LRRIQ1: variants seen among roughly 807,000 people sequenced by gnomAD.
LRRIQ1 encodes the protein leucine-rich repeat- and IQ domain-containing protein 1.
LRRIQ1 carries 210 observed loss-of-function variants against 211.9 expected under a neutral mutation model. That is an observed-to-expected ratio of 0.99 (90% CI 0.89 to 1.11). LRRIQ1 has a LOEUF of 1.11. LRRIQ1 is among the 50% of genes most tolerant of loss of function. LRRIQ1 has a pLI of 0.00. For synonymous variants in LRRIQ1, 699 were observed against 650.1 expected (o/e 1.08, Z -1.14); for missense variants, 2,136 against 1,939.5 (o/e 1.10, Z -1.90).
Position 85,056,655 on chromosome 12 carries a change from C to T in LRRIQ1, c.1862C>T (p.Ser621Phe), listed in dbSNP as rs765777231. The change falls in exon 8 of 27, where the codon TCC (serine) becomes TTC (phenylalanine). Residue 621 changes from serine (S) to phenylalanine (F), a missense_variant. Coordinates refer to ENST00000393217, the MANE Select transcript of LRRIQ1 (RefSeq NM_001079910.2). ...TCACTCTCACTAACATCAGAAAATT[C>T]CAAAGATGTAAGAGAAAACGTAATA... is the stretch of plus-strand genomic sequence containing the variant. ...QRSLSLTSENSKDVRENVILQ... is the reference protein window; with the variant it reads ...QRSLSLTSENFKDVRENVILQ... 2.5e-6 allele frequency: 4 copies of T among 1,598,514 alleles called. No individual in the cohort carries two copies. Among genetic ancestry groups the T allele is most frequent in the East Asian group, 4.5e-5 (2 of 44,580 alleles).
intron 15 of LRRIQ1, among the ~76,000 whole-genome samples, chr12:85,120,456 G>A (rs1328398857): frequency 6.6e-6 from 1 of 152,174 alleles, no homozygotes; most frequent in Non-Finnish European, 1.5e-5. Context: ...CTTGAAATCA[G>A]TTAGTGTCAG....
intron 5 of LRRIQ1, 45 bp from the exon 6 acceptor site, chr12:85,047,202 T>A: frequency 7.1e-7 from 1 of 1,407,250 alleles, no homozygotes; most frequent in Non-Finnish European, 9.7e-7. Flanking sequence ...GTTTTGACAG[T>A]TTTGATCTTA....
chr12:85,109,371 A>G (rs1480945946), intron 15 of LRRIQ1, among the ~76,000 whole-genome samples: 1 of 152,184 alleles, frequency 6.6e-6, no homozygotes, highest in Non-Finnish European at 1.5e-5. Flanking sequence ...TGTATATCTT[A>G]GAAGAGTTAT....
chr12:85,098,634 T>G, intron 12 of LRRIQ1, 86 bp downstream of exon 12: 1 of 1,114,358 alleles, frequency 9.0e-7, no homozygotes, highest in Non-Finnish European at 1.3e-6. Flanking sequence ...AAAGCAATTT[T>G]GAATAATTAT....
Position 85,244,992 on chromosome 12 carries a change from G to C in LRRIQ1, c.*51G>C, listed in dbSNP as rs773185861. 32 of 1,590,060 alleles carry C rather than the reference G, an allele frequency of 2.0e-5. No individual in the cohort carries two copies. The highest frequency in any genetic ancestry group is 2.7e-5 in the Non-Finnish European group (32 of 1,166,340). Reference sequence around the variant, plus strand: ...TAATGCCAACAAGCATTCTTTTTCAGATAGGGGGTAGGATGCCAGCAACCT... The same window carrying C: ...TAATGCCAACAAGCATTCTTTTTCACATAGGGGGTAGGATGCCAGCAACCT... On this transcript the variant is annotated 3_prime_UTR_variant, in exon 27 of 27. Transcript: ENST00000393217.
downstream of LRRIQ1, among the ~76,000 whole-genome samples, chr12:85,265,077 A>G (rs1298974106): frequency 1.3e-5 from 2 of 152,078 alleles, no homozygotes; most frequent in African/African-American, 2.4e-5. Flanking sequence ...GGTCCAATCC[A>G]CCAACAATAT....
chr12:85,101,809 C>T (rs1321973531), intron 13 of LRRIQ1, among the ~76,000 whole-genome samples: 1 of 151,444 alleles, frequency 6.6e-6, no homozygotes, highest in Non-Finnish European at 1.5e-5. Context: ...TTTTTCAAAG[C>T]GTATATTTCT....
intron 1 of LRRIQ1, among the ~76,000 whole-genome samples, chr12:85,258,640 C>T (rs1427999264): frequency 1.3e-5 from 2 of 151,908 alleles, no homozygotes; most frequent in East Asian, 3.9e-4. Context: ...ATTTGCGCAA[C>T]GTAACTCATT....
intron 15 of LRRIQ1, among the ~76,000 whole-genome samples, 156 bp from the exon 16 acceptor site, chr12:85,121,540 CA>C (rs1344056366): frequency 6.6e-6 from 1 of 152,068 alleles, no homozygotes; most frequent in Non-Finnish European, 1.5e-5. Context: ...GTAACAACAA[CA>C]AAAACAAAAT....
intron 10 of LRRIQ1, among the ~76,000 whole-genome samples, chr12:85,071,904 G>T (rs1323092744): frequency 6.6e-6 from 1 of 151,996 alleles, no homozygotes; most frequent in African/African-American, 2.4e-5. Flanking sequence ...GACGTGTGGG[G>T]ATTATTACAA....
At position 85,061,397 on chromosome 12, in the gene LRRIQ1, T is replaced by A. The variant is rs73379754; in HGVS notation, c.2392-3865T>A. Among the ~76,000 whole-genome samples, 275 of 151,850 alleles carry A rather than the reference T, an allele frequency of 1.8e-3. 2 individuals carry two copies. Among genetic ancestry groups the A allele is most frequent in the African/African-American group, 6.5e-3 (269 of 41,500 alleles). ...ATTGCTATACTATAAAGATTTTTTT[T>A]AAATGTTCAATGAAAAGAGCTTCAA... On this transcript the variant is annotated intron_variant, in intron 8 of 26. Transcript: ENST00000393217.
chr12:85,120,789 T>C (rs541556291), intron 15 of LRRIQ1, among the ~76,000 whole-genome samples: 1 of 152,182 alleles, frequency 6.6e-6, no homozygotes, highest in Non-Finnish European at 1.5e-5. Context: ...GAGTTCACTT[T>C]TCCCCTGTAA....
intron 24 of LRRIQ1, among the ~76,000 whole-genome samples, chr12:85,190,965 T>A (rs960995961): frequency 7.9e-5 from 12 of 152,020 alleles, no homozygotes; most frequent in African/African-American, 2.4e-4. Context: ...GGCAGTGTGG[T>A]GAGCTAAATG....
At chr12:85,226,789 T>A (rs1184422553) in intron 24 of LRRIQ1, among the ~76,000 whole-genome samples, 1 of 151,062 alleles carries the variant, frequency 6.6e-6, no homozygotes, top group Non-Finnish European at 1.5e-5. Context: ...TTTGGTTTTC[T>A]GTCCTTGTGA....
chr12:85,197,709 G>A lies in LRRIQ1; in HGVS notation c.4823-31808G>A, dbSNP rs1421241883. On this transcript the variant is annotated intron_variant, in intron 24 of 26. Coordinates refer to ENST00000393217, the MANE Select transcript of LRRIQ1 (RefSeq NM_001079910.2). ...GGTGGGAGTGGGGAGGGATAGCATC[G>A]GGAGATATACCTAATGCTAGATGAC... Among the ~76,000 whole-genome samples the A allele has an allele frequency of 3.6e-4, 55 of 151,418 alleles. 1 individual carries two copies. The Middle Eastern group carries it at 0.02, about 56-fold the overall frequency.
At chr12:85,207,508 G>A (rs1406085937) in intron 24 of LRRIQ1, among the ~76,000 whole-genome samples, 1 of 152,150 alleles carries the variant, frequency 6.6e-6, no homozygotes, top group Non-Finnish European at 1.5e-5. Flanking sequence ...CTTTCACACA[G>A]AAGCATTTTT....
At chr12:85,226,389 T>G (rs1894654705) in intron 24 of LRRIQ1, among the ~76,000 whole-genome samples, 1 of 152,130 alleles carries the variant, frequency 6.6e-6, no homozygotes, top group African/African-American at 2.4e-5. Flanking sequence ...CTGTCCAACA[T>G]CTGGCCTGGT....
intron 24 of LRRIQ1, among the ~76,000 whole-genome samples, chr12:85,216,564 A>G (rs895794331): frequency 6.6e-6 from 1 of 151,168 alleles, no homozygotes; most frequent in African/African-American, 2.4e-5. Context: ...ATATACACAT[A>G]GTATATGTAA....
At chr12:85,123,197 T>C (rs1888109930) in intron 16 of LRRIQ1, among the ~76,000 whole-genome samples, 1 of 152,046 alleles carries the variant, frequency 6.6e-6, no homozygotes, top group Admixed American at 6.5e-5. Context: ...TTTGTGAACA[T>C]AGGAGCTATC....
Sources: allele counts gnomAD v4.1 joint callset (sites outside exome capture counted in the v4.1 genomes callset), GRCh38; gene constraint gnomAD v4.1.1; transcripts MANE v1.5; gene names NCBI Gene and HGNC (gene_info 2026-07-23, HGNC 2026-07-21).